Variants in HOOK3 observed in about 807,000 individuals in gnomAD.
HOOK3 encodes the protein hook microtubule tethering protein 3.
In HOOK3, 24 loss-of-function variants were observed where a neutral mutation model predicts 116.3. The observed-to-expected ratio is 0.21, with a 90% confidence interval of 0.15 to 0.29. HOOK3 has a LOEUF of 0.29. Ranked by LOEUF, HOOK3 falls within the 10% of genes least tolerant of loss-of-function variation. The pLI, the probability that HOOK3 is intolerant of heterozygous loss-of-function variation, is 1.00. For missense variants in HOOK3, 632 were observed against 830.2 expected, an observed-to-expected ratio of 0.76 and a Z score of 2.93; for synonymous variants, 275 against 283.0, an observed-to-expected ratio of 0.97 and a Z score of 0.28.
intron 3 of HOOK3, among the ~76,000 whole-genome samples, chr8:42,926,907 C>T (rs1807776733): frequency 6.6e-6 from 1 of 152,200 alleles, no homozygotes; most frequent in African/African-American, 2.4e-5. Context: ...ATCCACACCA[C>T]CCCTAATCCC....
intron 13 of HOOK3, among the ~76,000 whole-genome samples, chr8:42,975,477 C>T (rs1025911146): frequency 6.6e-6 from 1 of 152,090 alleles, no homozygotes; most frequent in Non-Finnish European, 1.5e-5. Context: ...ATAATTGAAA[C>T]GTGTGCAAGG....
At chr8:42,941,413 G>T (rs761948133) in intron 4 of HOOK3, among the ~76,000 whole-genome samples, 1 of 150,528 alleles carries the variant, frequency 6.6e-6, no homozygotes, top group Non-Finnish European at 1.5e-5. Flanking sequence ...AGCTACTCGG[G>T]AGGCTGAGGC....
rs1809801624 is a variant in HOOK3, at chr8:43,020,380, AC to A, written c.*1885del. 2 of 192,578 alleles carry A rather than the reference AC, an allele frequency of 1.0e-5. No homozygotes were observed. The highest frequency in any genetic ancestry group is 2.2e-5 in the Non-Finnish European group (2 of 92,180). The allele number at this position is 192,578 out of a possible 1,614,324, so 11.9% of individuals were successfully genotyped here. A position where few individuals can be genotyped will look rare whatever the true frequency, so the allele number is the denominator to read the frequency against. ...AAACTTTCAGACGGTTCTTACCTCT[AC>A]CCGTGTTTCACAAATAGCCTGAGGA... On this transcript the variant is annotated 3_prime_UTR_variant, in exon 22 of 22. Coordinates refer to ENST00000307602, the MANE Select transcript of HOOK3 (RefSeq NM_032410.4).
intron 21 of HOOK3, among the ~76,000 whole-genome samples, chr8:43,014,803 A>G (rs867986812): frequency 1.3e-5 from 2 of 152,172 alleles, no homozygotes; most frequent in Non-Finnish European, 2.9e-5. Context: ...AAAAATTCAT[A>G]AATTTCATTA....
At chr8:42,917,111 A>G (rs1035795390) in intron 2 of HOOK3, among the ~76,000 whole-genome samples, 1 of 152,160 alleles carries the variant, frequency 6.6e-6, no homozygotes, top group African/African-American at 2.4e-5. Context: ...GACTCACAGC[A>G]CTCCAGAAAG....
At position 43,025,144 on chromosome 8, in the gene HOOK3, T is replaced by G. The variant is rs1809910434; in HGVS notation, c.*6646T>G. The G allele has an allele frequency of 4.7e-6, 1 of 211,546 alleles. No individual in the cohort carries two copies. The highest frequency in any genetic ancestry group is 2.3e-5 in the African/African-American group (1 of 44,200). The allele number at this position is 211,546 out of a possible 1,614,324, so 13.1% of individuals were successfully genotyped here. A position where few individuals can be genotyped will look rare whatever the true frequency, so the allele number is the denominator to read the frequency against. On this transcript the variant is annotated 3_prime_UTR_variant, in exon 22 of 22. Coordinates refer to ENST00000307602, the MANE Select transcript of HOOK3 (RefSeq NM_032410.4). ...GACCTGTACCTAATTATGGCAAGTATATGAGTTTTGGTGATTGTGGGGGGT... is the reference window on the plus strand; with the variant it reads ...GACCTGTACCTAATTATGGCAAGTAGATGAGTTTTGGTGATTGTGGGGGGT...
intron 1 of HOOK3, among the ~76,000 whole-genome samples, chr8:42,904,888 A>G (rs1469697164): frequency 1.3e-5 from 2 of 151,988 alleles, no homozygotes; most frequent in Non-Finnish European, 2.9e-5. Context: ...CACTTCTATT[A>G]TACTGTTTCA....
At chr8:42,900,005 T>TA (rs1277009050) in intron 1 of HOOK3, among the ~76,000 whole-genome samples, 1 of 152,158 alleles carries the variant, frequency 6.6e-6, no homozygotes, top group Non-Finnish European at 1.5e-5. Context: ...CTCAAGTACT[T>TA]AAAGGGATGA....
chr8:43,014,783 G>C (rs1243338670), intron 21 of HOOK3, among the ~76,000 whole-genome samples: 3 of 152,144 alleles, frequency 2.0e-5, no homozygotes, highest in Non-Finnish European at 2.9e-5. Flanking sequence ...ACTGTGATTT[G>C]ATCTTTGTCA....
At chr8:42,987,248 A>G (rs1809065063) in intron 15 of HOOK3, among the ~76,000 whole-genome samples, 1 of 152,220 alleles carries the variant, frequency 6.6e-6, no homozygotes, top group Admixed American at 6.5e-5. Flanking sequence ...TTTCCCTTTT[A>G]GAGAACTTGA....
intron 1 of HOOK3, 63 bp downstream of exon 1, chr8:42,897,251 A>G: frequency 2.7e-6 from 3 of 1,119,060 alleles, no homozygotes; most frequent in Non-Finnish European, 2.3e-6. Flanking sequence ...GGGACCCTCC[A>G]CGCGCGGCCC....
intron 21 of HOOK3, among the ~76,000 whole-genome samples, chr8:43,017,141 G>A (rs184560198): frequency 8.4e-4 from 128 of 152,302 alleles, no homozygotes; most frequent in Middle Eastern, 3.4e-3. Flanking sequence ...TTTTCCACCT[G>A]GCTCTCCTTT....
chr8:42,899,511 A>C (rs1354216383), intron 1 of HOOK3, among the ~76,000 whole-genome samples: 1 of 152,266 alleles, frequency 6.6e-6, no homozygotes, highest in Non-Finnish European at 1.5e-5. Context: ...TATAAAAAGC[A>C]GAATAAATGT....
chr8:42,975,264 A>T (rs949072058), intron 13 of HOOK3, among the ~76,000 whole-genome samples: 2 of 152,018 alleles, frequency 1.3e-5, no homozygotes, highest in African/African-American at 4.8e-5. Flanking sequence ...GCTGTTAGGG[A>T]TTATTTTTAT....
intron 13 of HOOK3, among the ~76,000 whole-genome samples, chr8:42,981,007 G>T (rs1808929870): frequency 6.6e-6 from 1 of 151,828 alleles, no homozygotes; most frequent in South Asian, 2.1e-4. Flanking sequence ...TACCAGATGT[G>T]CCCCTTCAGT....
intron 8 of HOOK3, among the ~76,000 whole-genome samples, chr8:42,963,634 A>G (rs1289326324): frequency 6.6e-6 from 1 of 152,230 alleles, no homozygotes; most frequent in East Asian, 1.9e-4. Context: ...TATTCTCACC[A>G]CAAGTTTCTT....
At position 42,974,095 on chromosome 8, in the gene HOOK3, G is replaced by A. The variant is rs1232562577; in HGVS notation, c.1234-12G>A. 2.5e-6 allele frequency: 4 copies of A among 1,602,130 alleles called. No homozygotes were observed. The South Asian group carries it at 4.4e-5, about 18-fold the overall frequency. ...CGTGAAGCTAACCCTCCATGTTTTT[G>A]TGTCTCTCCAGAGGCTGAGAACAGA... On this transcript the variant is annotated splice_polypyrimidine_tract_variant and intron_variant, in intron 12 of 21. Coordinates refer to ENST00000307602, the MANE Select transcript of HOOK3 (RefSeq NM_032410.4).
At chr8:42,967,480 C>T (rs992450548) in intron 10 of HOOK3, among the ~76,000 whole-genome samples, 4 of 152,166 alleles carry the variant, frequency 2.6e-5, no homozygotes, top group African/African-American at 9.7e-5. Context: ...TTCTGGACCT[C>T]TACCTTTCTG....
At chr8:42,987,675 A>G (rs987080051) in intron 15 of HOOK3, among the ~76,000 whole-genome samples, 1 of 152,190 alleles carries the variant, frequency 6.6e-6, no homozygotes, top group Admixed American at 6.5e-5. Flanking sequence ...TTCTGCTTGT[A>G]AGTTTTCAGC....
Sources: gnomAD v4.1 joint callset for allele counts (sites outside exome capture counted in the v4.1 genomes callset) on GRCh38, gnomAD v4.1.1 for gene constraint, MANE v1.5 for transcripts, NCBI Gene and HGNC (gene_info 2026-07-23, HGNC 2026-07-21) for gene names.